Variants in BNIP2 observed in about 807,000 individuals in gnomAD.
BNIP2 encodes the protein BCL2/adenovirus E1B 19 kDa protein-interacting protein 2.
In BNIP2, 36 loss-of-function variants were observed where a neutral mutation model predicts 43.4. That is an observed-to-expected ratio of 0.83 (90% CI 0.64 to 1.10). The LOEUF is 1.10. Among genes scored for constraint, BNIP2 ranks in the 50% least tolerant of loss-of-function variants. The pLI is 0.00. For synonymous variants in BNIP2, 146 were observed against 121.0 expected (o/e 1.21, Z -1.35); for missense variants, 417 against 374.1 (o/e 1.11, Z -0.95).
chr15:59,664,390 T>C (rs1481103561), intron 9 of BNIP2, among the ~76,000 whole-genome samples: 1 of 152,082 alleles, frequency 6.6e-6, no homozygotes, highest in Non-Finnish European at 1.5e-5. Context: ...TTTTTTTTTT[T>C]CTTATTTTTG....
At chr15:59,677,330 G>A (rs560246698) in intron 5 of BNIP2, 14 of 1,561,202 alleles carry the variant, frequency 9.0e-6, no homozygotes, top group Admixed American at 3.8e-5. Context: ...GAGCCCCAGC[G>A]TTCAGAAGGC....
At chr15:59,666,899 A>AT (rs765854971) in intron 9 of BNIP2, among the ~76,000 whole-genome samples, 5 of 152,052 alleles carry the variant, frequency 3.3e-5, no homozygotes, top group Admixed American at 6.5e-5. Context: ...CAAATTCCAT[A>AT]TTTTTTCTGA....
chr15:59,668,736 C>T (rs1448314082), intron 9 of BNIP2, 156 bp downstream of exon 9: 2 of 527,174 alleles, frequency 3.8e-6, no homozygotes, highest in African/African-American at 2.7e-5. Flanking sequence ...GGGAAAATGG[C>T]TTCTTCCTCT....
rs1167859382 is a variant in BNIP2 at position 59,662,781 on chromosome 15, T to C, written c.*1288A>G. The C allele has an allele frequency of 1.3e-5, 2 of 152,242 alleles. No individual in the cohort carries two copies. Among genetic ancestry groups the C allele is most frequent in the Non-Finnish European group, 2.9e-5 (2 of 68,030 alleles). The allele number at this position is 152,242 out of a possible 1,614,324, so 9.4% of individuals were successfully genotyped here. On this transcript the variant is annotated 3_prime_UTR_variant, in exon 10 of 10. Coordinates refer to ENST00000607373, the MANE Select transcript of BNIP2 (RefSeq NM_004330.4). ...GAAGGTATTATGCTTACCAGCTGTG[T>C]ATGAGCCTTTCAAGTATATGACACA...
rs1446857016 is a variant in BNIP2 at position 59,689,158 on chromosome 15, C to A, written c.-81G>T. The A allele has an allele frequency of 2.0e-6, 3 of 1,537,910 alleles. No individual in the cohort carries two copies. In the South Asian group the frequency reaches 3.6e-5, roughly 18 times the overall value. On this transcript the variant is annotated 5_prime_UTR_variant, in exon 1 of 10. Transcript: ENST00000607373. Reference sequence around the variant, plus strand: ...ACCCCGGAGGAAGCCTTGGCCCCCTCGTCCTCTTCGCCCCTCCAGGCCGGC... The same window carrying A: ...ACCCCGGAGGAAGCCTTGGCCCCCTAGTCCTCTTCGCCCCTCCAGGCCGGC...
In BNIP2 at chr15:59,678,031, A is replaced by G. The variant is rs751469494; in HGVS notation, c.352T>C (p.Tyr118His). 6.2e-7 allele frequency: 1 copy of G among 1,613,872 alleles called. No individual in the cohort carries two copies. Among genetic ancestry groups the G allele is most frequent in the Non-Finnish European group, 8.5e-7 (1 of 1,179,846 alleles). Residue 118 changes from tyrosine to histidine, a missense_variant, in exon 5 of 10, where the codon TAC (tyrosine) becomes CAC (histidine). By Grantham distance (83) the Tyr-to-His change is moderately conservative. Coordinates refer to ENST00000607373, the MANE Select transcript of BNIP2 (RefSeq NM_004330.4). Reference protein sequence around the residue: ...EVIRKGSITEYTAAEEKEDGR... With the variant: ...EVIRKGSITEHTAAEEKEDGR... ...TCTTCTTTTTCCTCTGCTGCTGTGT[A>G]TTCAGTAATTGAGCCTTTCCTAATT...
At chr15:59,670,890 A>G (rs6151548) in intron 7 of BNIP2, among the ~76,000 whole-genome samples, 3 of 152,068 alleles carry the variant, frequency 2.0e-5, no homozygotes, top group African/African-American at 7.2e-5. Flanking sequence ...CCTGACCAAC[A>G]TGGAGAAACC....
At chr15:59,678,636 T>C in intron 4 of BNIP2, 1 of 1,159,776 alleles carries the variant, frequency 8.6e-7, no homozygotes, top group Non-Finnish European at 1.1e-6. Context: ...TAAATTAGCA[T>C]TAGCCAAAGC....
At chr15:59,666,472 T>C (rs560354864) in intron 9 of BNIP2, among the ~76,000 whole-genome samples, 1 of 152,000 alleles carries the variant, frequency 6.6e-6, no homozygotes, top group Non-Finnish European at 1.5e-5. Flanking sequence ...TTCGAGACCA[T>C]CCTGGCCAAC....
Position 59,660,321 on chromosome 15 carries a change from T to C in BNIP2, c.*3748A>G, listed in dbSNP as rs1171966406. The C allele has an allele frequency of 6.6e-6, 1 of 152,204 alleles. No homozygotes were observed. The allele number at this position is 152,204 out of a possible 1,614,324, so 9.4% of individuals were successfully genotyped here. A position where few individuals can be genotyped will look rare whatever the true frequency, so the allele number is the denominator to read the frequency against. On this transcript the variant is annotated 3_prime_UTR_variant, in exon 10 of 10. Coordinates refer to ENST00000607373, the MANE Select transcript of BNIP2 (RefSeq NM_004330.4). ...TATAGGATTGGAGAAAAAACAGGCA[T>C]GAAAACAAAATAGAATGGTGTAGCA...
intron 1 of BNIP2, among the ~76,000 whole-genome samples, chr15:59,683,593 G>C (rs6151473): frequency 2.7e-4 from 41 of 152,280 alleles, no homozygotes; most frequent in African/African-American, 9.9e-4. Flanking sequence ...GAGGTGGGCG[G>C]ATCACTTGAG....
At position 59,659,628 on chromosome 15, in the gene BNIP2, G is replaced by C. The variant is rs1037712045; in HGVS notation, c.*4441C>G. ...ACTTTACAAAGTCCACATACAAAAA[G>C]TGCAGTGTAGAAGCTGATGAATGTT... On this transcript the variant is annotated 3_prime_UTR_variant, in exon 10 of 10. Coordinates refer to ENST00000607373, the MANE Select transcript of BNIP2 (RefSeq NM_004330.4). 5 of 152,168 alleles carry C rather than the reference G, an allele frequency of 3.3e-5. No individual in the cohort carries two copies. The highest frequency in any genetic ancestry group is 9.7e-5 in the African/African-American group (4 of 41,438). 9.4% of individuals were successfully genotyped at this position (152,168 alleles called of 1,614,324 possible).
In BNIP2 at chr15:59,677,984, G is replaced by T; in HGVS notation, c.399C>A (p.Phe133Leu). Residue 133 changes from phenylalanine (F) to leucine (L), a missense_variant, in exon 5 of 10, where the codon TTC becomes TTA. Coordinates refer to ENST00000607373, the MANE Select transcript of BNIP2 (RefSeq NM_004330.4). ...EKEDGRRWRMFRIGEQDHRVD... is the reference protein window; with the variant it reads ...EKEDGRRWRMLRIGEQDHRVD... ...CCCTGTGGTCCTGTTCTCCAATCCT[G>T]AACATACGCCAGCGTCGTCCATCTT... 6.2e-7 allele frequency: 1 copy of T among 1,613,924 alleles called. No individual in the cohort carries two copies. The highest frequency in any genetic ancestry group is 2.2e-5 in the East Asian group (1 of 44,876).
chr15:59,677,242 G>T, intron 5 of BNIP2: 1 of 1,596,290 alleles, frequency 6.3e-7, no homozygotes, highest in Non-Finnish European at 8.6e-7. Context: ...GCCAAGCCCC[G>T]GCTGGACTGC....
intron 5 of BNIP2, among the ~76,000 whole-genome samples, chr15:59,673,821 C>T (rs12912652): frequency 0.56 from 85,691 of 151,848 alleles, 24,842 homozygotes; most frequent in Middle Eastern, 0.65. Context: ...GGCGAGGTGG[C>T]TCATGCTTGT....
chr15:59,674,527 T>A (rs1893146047), intron 5 of BNIP2, among the ~76,000 whole-genome samples: 1 of 152,180 alleles, frequency 6.6e-6, no homozygotes, highest in South Asian at 2.1e-4. Flanking sequence ...TTCATCTGAG[T>A]ACGATTAAAT....
intron 5 of BNIP2, among the ~76,000 whole-genome samples, chr15:59,675,291 G>A (rs1893206415): frequency 6.7e-6 from 1 of 150,076 alleles, no homozygotes; most frequent in Non-Finnish European, 1.5e-5. Context: ...CGGTTTTAAG[G>A]CAAATTAAGA....
At chr15:59,678,194 A>T (rs995878081) in intron 4 of BNIP2, 107 bp from the exon 5 acceptor site, 15 of 1,427,602 alleles carry the variant, frequency 1.1e-5, no homozygotes, top group Non-Finnish European at 1.4e-5. Context: ...TCATTATACC[A>T]TCTGCACAAT....
chr15:59,672,674 G>C lies in BNIP2; in HGVS notation c.538C>G (p.Gln180Glu). 6.2e-7 allele frequency: 1 copy of C among 1,613,724 alleles called. No homozygotes were observed. The highest frequency in any genetic ancestry group is 8.5e-7 in the Non-Finnish European group (1 of 1,179,752). ...TCCATCAGGTATCTATAGTTAGGCT[G>C]ACTACTTTCAGGCATGAAACAGACA... is the stretch of plus-strand genomic sequence containing the variant. ...FAVCFMPESSQPNYRYLMDNL... is the reference protein window; with the variant it reads ...FAVCFMPESSEPNYRYLMDNL... Residue 180 changes from glutamine to glutamate, a missense_variant, in exon 6 of 10, where the codon CAG (glutamine) becomes GAG (glutamate). Physicochemically the swap from Gln to Glu is conservative, Grantham distance 29. Coordinates refer to ENST00000607373, the MANE Select transcript of BNIP2 (RefSeq NM_004330.4).
Sources: gnomAD v4.1 joint callset for allele counts (sites outside exome capture counted in the v4.1 genomes callset) on GRCh38, gnomAD v4.1.1 for gene constraint, MANE v1.5 for transcripts, NCBI Gene and HGNC (gene_info 2026-07-23, HGNC 2026-07-21) for gene names.